Variants in WDPCP observed in about 807,000 individuals in gnomAD.
WDPCP encodes the protein WD repeat-containing and planar cell polarity effector protein fritz homolog.
A neutral mutation model predicts 93.1 loss-of-function variants in WDPCP; 71 were observed. That is an observed-to-expected ratio of 0.76 (90% CI 0.63 to 0.93). The LOEUF (loss-of-function observed/expected upper bound fraction) is 0.93. Ranked by LOEUF, WDPCP falls within the 40% of genes least tolerant of loss-of-function variation. The pLI is 0.00. For synonymous variants in WDPCP, 315 were observed against 315.0 expected (o/e 1.00, Z 0.00); for missense variants, 844 against 887.4 (o/e 0.95, Z 0.62).
intron 2 of WDPCP, among the ~76,000 whole-genome samples, chr2:63,679,467 A>G (rs896927649): frequency 2.0e-5 from 3 of 152,058 alleles, no homozygotes; most frequent in Non-Finnish European, 4.4e-5. Flanking sequence ...TCCTTGGTTG[A>G]GCCATCTGTC....
chr2:63,670,180 C>T (rs1226574671), intron 2 of WDPCP, among the ~76,000 whole-genome samples: 2 of 152,124 alleles, frequency 1.3e-5, no homozygotes, highest in African/African-American at 2.4e-5. Flanking sequence ...AAGGCTCTAA[C>T]ATGATGTAAT....
At chr2:63,578,875 G>A (rs991886096) in intron 1 of WDPCP, among the ~76,000 whole-genome samples, 1 of 152,108 alleles carries the variant, frequency 6.6e-6, no homozygotes, top group Non-Finnish European at 1.5e-5. Flanking sequence ...TCTTAATGAG[G>A]CTCAAATAAT....
At chr2:63,593,395 G>T, upstream of WDPCP, 1 of 365,628 alleles carries the variant, frequency 2.7e-6, no homozygotes. Context: ...TCCCTGGCCT[G>T]ACACTTCTTT....
At chr2:63,210,152 T>C (rs1676657518) in intron 14 of WDPCP, among the ~76,000 whole-genome samples, 1 of 151,820 alleles carries the variant, frequency 6.6e-6, no homozygotes, top group Admixed American at 6.6e-5. Context: ...ATGTTATATA[T>C]TTACAGAATA....
At chr2:63,599,218 A>G (rs11555100) in intron 3 of WDPCP, 2 of 1,613,784 alleles carry the variant, frequency 1.2e-6, no homozygotes, top group South Asian at 1.1e-5. Context: ...GACTGCTTCC[A>G]AGTCAGCTCC....
intron 1 of WDPCP, among the ~76,000 whole-genome samples, chr2:63,499,968 G>GT (rs1177738408): frequency 6.6e-6 from 1 of 152,150 alleles, no homozygotes; most frequent in Non-Finnish European, 1.5e-5. Flanking sequence ...CCCTCAGTTT[G>GT]TAACTCTGGC....
At chr2:63,719,833 C>T (rs576621368) in intron 2 of WDPCP, among the ~76,000 whole-genome samples, 2 of 152,056 alleles carry the variant, frequency 1.3e-5, no homozygotes, top group East Asian at 3.9e-4. Flanking sequence ...AAATCAAATG[C>T]AGAAATTAAC....
At chr2:63,158,474 T>C (rs1388302581) in intron 15 of WDPCP, among the ~76,000 whole-genome samples, 1 of 152,204 alleles carries the variant, frequency 6.6e-6, no homozygotes, top group Non-Finnish European at 1.5e-5. Context: ...CTTTTCCTTC[T>C]TTGCTGGTGT....
intron 12 of WDPCP, among the ~76,000 whole-genome samples, chr2:63,344,052 C>CT (rs1689028689): frequency 6.6e-6 from 1 of 150,840 alleles, no homozygotes. Context: ...ATTTTTTTTT[C>CT]TTTTTTATGT....
At chr2:63,129,862 A>G (rs995812458) in intron 17 of WDPCP, among the ~76,000 whole-genome samples, 1 of 152,206 alleles carries the variant, frequency 6.6e-6, no homozygotes, top group Non-Finnish European at 1.5e-5. Flanking sequence ...ATTACTTATA[A>G]TACCTAATAC....
chr2:63,364,921 C>A (rs976621381), intron 12 of WDPCP, among the ~76,000 whole-genome samples: 1 of 152,096 alleles, frequency 6.6e-6, no homozygotes, highest in African/African-American at 2.4e-5. Flanking sequence ...GATATATGAA[C>A]CCTATCACAA....
At chr2:63,140,656 T>C (rs1640703129) in intron 17 of WDPCP, among the ~76,000 whole-genome samples, 1 of 152,188 alleles carries the variant, frequency 6.6e-6, no homozygotes, top group Non-Finnish European at 1.5e-5. Flanking sequence ...TTTTGTATAT[T>C]AATCTTGTAT....
At chr2:63,262,767 C>A (rs868507184) in intron 13 of WDPCP, among the ~76,000 whole-genome samples, 1 of 152,066 alleles carries the variant, frequency 6.6e-6, no homozygotes, top group South Asian at 2.1e-4. Context: ...GAATTGGGGT[C>A]GTCGATTTGA....
At position 63,699,705 on chromosome 2, in the gene WDPCP, T is replaced by A. The variant is rs549711906; in HGVS notation, n.309-48867A>T. 4.6e-5 allele frequency among the ~76,000 whole-genome samples: 7 copies of A among 152,262 alleles called. No homozygotes were observed. In the South Asian group the frequency reaches 1.4e-3, roughly 32 times the overall value. On this transcript the variant is annotated intron_variant and non_coding_transcript_variant, in intron 2 of 4. Coordinates refer to the WDPCP transcript ENST00000467687. Reference sequence around the variant, plus strand: ...GAAGTCTCGTTTTCTAACATAGAGGTATCCCATAGCCAGGGCAAACTGGGA... The same window carrying A: ...GAAGTCTCGTTTTCTAACATAGAGGAATCCCATAGCCAGGGCAAACTGGGA...
At chr2:63,385,267 T>C (rs1348345462) in intron 10 of WDPCP, among the ~76,000 whole-genome samples, 1 of 152,080 alleles carries the variant, frequency 6.6e-6, no homozygotes, top group Non-Finnish European at 1.5e-5. Context: ...TTCTATTTAA[T>C]ATTGTACCAG....
At chr2:63,656,384 G>A (rs1385398986) in intron 2 of WDPCP, among the ~76,000 whole-genome samples, 3 of 152,182 alleles carry the variant, frequency 2.0e-5, no homozygotes, top group African/African-American at 4.8e-5. Flanking sequence ...AGAAATTCAC[G>A]ATTCTTGAGA....
intron 12 of WDPCP, among the ~76,000 whole-genome samples, chr2:63,327,115 A>G (rs1687616223): frequency 6.6e-6 from 1 of 152,200 alleles, no homozygotes; most frequent in South Asian, 2.1e-4. Context: ...GGACAGGACA[A>G]TAGATGGTTC....
At chr2:63,448,338 T>C (rs1697999599) in intron 6 of WDPCP, among the ~76,000 whole-genome samples, 1 of 152,096 alleles carries the variant, frequency 6.6e-6, no homozygotes, top group East Asian at 1.9e-4. Context: ...TAATAATCTT[T>C]GAATAATGTT....
At chr2:63,700,797 T>C (rs1445104476) in intron 2 of WDPCP, among the ~76,000 whole-genome samples, 1 of 152,068 alleles carries the variant, frequency 6.6e-6, no homozygotes, top group Non-Finnish European at 1.5e-5. Context: ...TAAAAGGCAC[T>C]GAAAAAACTG....
Sources: allele counts gnomAD v4.1 joint callset (sites outside exome capture counted in the v4.1 genomes callset), GRCh38; gene constraint gnomAD v4.1.1; transcripts MANE v1.5; gene names NCBI Gene and HGNC (gene_info 2026-07-23, HGNC 2026-07-21).